Variants in OTULINL observed in about 807,000 individuals in gnomAD.
OTULINL encodes inactive ubiquitin thioesterase OTULINL.
In OTULINL, 42 loss-of-function variants were observed where a neutral mutation model predicts 43.9. The ratio of observed to expected loss-of-function variants is 0.96; its 90% CI spans 0.75 to 1.24. OTULINL has a LOEUF of 1.24. OTULINL is among the 50% of genes most tolerant of loss of function. The probability of loss-of-function intolerance (pLI) is 0.00; values close to 1 mark genes in which losing one functional copy is unlikely to be tolerated. For missense variants in OTULINL, 411 were observed against 426.4 expected, an observed-to-expected ratio of 0.96 and a Z score of 0.32; for synonymous variants, 172 against 153.6, an observed-to-expected ratio of 1.12 and a Z score of -0.88.
intron 1 of OTULINL, among the ~76,000 whole-genome samples, chr5:14,584,760 T>G (rs534883289): frequency 2.6e-4 from 40 of 152,346 alleles, no homozygotes; most frequent in African/African-American, 8.7e-4. Context: ...TATGTAGATG[T>G]GTCTGCTAAA....
At chr5:14,590,029 G>A (rs942495121) in intron 1 of OTULINL, among the ~76,000 whole-genome samples, 6 of 152,152 alleles carry the variant, frequency 3.9e-5, no homozygotes, top group Non-Finnish European at 7.4e-5. Flanking sequence ...ACTAGTAAAA[G>A]TAACCGCTTA....
rs768580216 is a variant in OTULINL, at chr5:14,607,354, C to T, written c.523C>T (p.Gln175Ter). ...GCTTCCTGAAAAACTGCTGTTTTCA[C>T]AAGGTTGTAATTGGATTCAGCAGTA... ...VKLPEKLLFS[Q>*]GCNWIQQYSF... The change falls in exon 6 of 8, where the codon CAA becomes TAA. Residue 175 changes from glutamine to a stop codon, truncating the protein, a stop_gained. Coordinates refer to ENST00000274217, the MANE Select transcript of OTULINL (RefSeq NM_019018.3). LOFTEE classifies it high-confidence loss of function. 3 of 1,613,022 alleles carry T rather than the reference C, an allele frequency of 1.9e-6. No individual in the cohort carries two copies. The highest frequency in any genetic ancestry group is 2.5e-6 in the Non-Finnish European group (3 of 1,179,828).
intron 5 of OTULINL, among the ~76,000 whole-genome samples, chr5:14,604,555 A>G (rs954912804): frequency 2.0e-5 from 3 of 152,182 alleles, no homozygotes; most frequent in African/African-American, 7.2e-5. Context: ...TTCTTAAGGT[A>G]TGTCTTCCCC....
chr5:14,585,289 G>A (rs1274258181), intron 1 of OTULINL, among the ~76,000 whole-genome samples: 1 of 152,060 alleles, frequency 6.6e-6, no homozygotes, highest in East Asian at 1.9e-4. Context: ...AAAAAGCATT[G>A]CAGTTAAAGG....
rs1360528168 is a variant in OTULINL at position 14,614,145 on chromosome 5, C to CA, written c.*3833dup. Among the ~76,000 whole-genome samples the CA allele has an allele frequency of 6.6e-6, 1 of 152,080 alleles. No homozygotes were observed. The highest frequency in any genetic ancestry group is 1.5e-5 in the Non-Finnish European group (1 of 68,012). On this transcript the variant is annotated 3_prime_UTR_variant, in exon 8 of 8. Transcript: ENST00000274217. ...TTCTAAAGCTGTATGATTCTCTTTG[C>CA]AAGAATGTTTTTCACACTGCTTAAT...
rs25959 is a variant in OTULINL, at chr5:14,610,997, T to C, written c.*683T>C. 1 of 152,230 alleles carries C rather than the reference T, an allele frequency of 6.6e-6. No homozygotes were observed. Among genetic ancestry groups the C allele is most frequent in the East Asian group, 1.9e-4 (1 of 5,170 alleles). The allele number at this position is 152,230 out of a possible 1,614,324, so 9.4% of individuals were successfully genotyped here. A position where few individuals can be genotyped will look rare whatever the true frequency, so the allele number is the denominator to read the frequency against. ...TTTGTTACTATTTTATCTGGCCAGC[T>C]TAATAGTTTTATTTAGATTTTTTAA... On this transcript the variant is annotated 3_prime_UTR_variant, in exon 8 of 8. Coordinates refer to ENST00000274217, the MANE Select transcript of OTULINL (RefSeq NM_019018.3).
intron 1 of OTULINL, among the ~76,000 whole-genome samples, chr5:14,598,806 A>C (rs1336258984): frequency 6.6e-6 from 1 of 152,234 alleles, no homozygotes; most frequent in African/African-American, 2.4e-5. Flanking sequence ...GTGTGCTGAT[A>C]TGAAAAGATG....
intron 6 of OTULINL, 40 bp from the exon 7 acceptor site, chr5:14,608,708 C>T (rs562814977): frequency 1.3e-6 from 2 of 1,523,472 alleles, no homozygotes; most frequent in South Asian, 2.5e-5. Flanking sequence ...TATGTCTTCA[C>T]CTTTATCCTT....
At position 14,601,969 on chromosome 5, in the gene OTULINL, A is replaced by G. The variant is rs188081455; in HGVS notation, c.349-214A>G. 4.5e-3 allele frequency among the ~76,000 whole-genome samples: 680 copies of G among 152,314 alleles called. 2 individuals carry two copies. The highest frequency in any genetic ancestry group is 0.015 in the African/African-American group (640 of 41,576). On this transcript the variant is annotated intron_variant, in intron 4 of 7. Transcript: ENST00000274217. ...TCGCATCCCTTATCTGCCCAAGGTG[A>G]CCTTCCCTGGCTCTGCTTCCAGGAT... is the stretch of plus-strand genomic sequence containing the variant.
In OTULINL at chr5:14,614,643, T is replaced by C. The variant is rs1334360794; in HGVS notation, c.*4329T>C. On this transcript the variant is annotated 3_prime_UTR_variant, in exon 8 of 8. Coordinates refer to ENST00000274217, the MANE Select transcript of OTULINL (RefSeq NM_019018.3). ...TTCAGCCACGTATGGTCTGGAGTGC[T>C]CTGTAGAACAGCCCGAAGTGTACAC... is the stretch of plus-strand genomic sequence containing the variant. The C allele has an allele frequency of 7.5e-6, 3 of 398,504 alleles. No homozygotes were observed. The highest frequency in any genetic ancestry group is 6.2e-5 in the African/African-American group (3 of 48,634). The allele number at this position is 398,504 out of a possible 1,614,324, so 24.7% of individuals were successfully genotyped here.
rs188548449 is a variant in OTULINL at position 14,610,351 on chromosome 5, C to T, written c.*37C>T. ...GCCGAACAGCAGTGCTCACCAGTGA[C>T]GGTGGTCACAGTTGCAATAAAGTCT... On this transcript the variant is annotated 3_prime_UTR_variant, in exon 8 of 8. Coordinates refer to ENST00000274217, the MANE Select transcript of OTULINL (RefSeq NM_019018.3). The T allele has an allele frequency of 1.2e-3, 1,944 of 1,595,132 alleles. 17 individuals carry two copies. The African/African-American group carries it at 0.023, about 19-fold the overall frequency.
At chr5:14,591,044 G>C (rs902113137) in intron 1 of OTULINL, among the ~76,000 whole-genome samples, 5 of 152,198 alleles carry the variant, frequency 3.3e-5, no homozygotes, top group African/African-American at 1.2e-4. Context: ...AAAAGGATTA[G>C]TAACTATTAG....
chr5:14,582,775 A>C (rs1386628057), intron 1 of OTULINL, among the ~76,000 whole-genome samples: 2 of 135,646 alleles, frequency 1.5e-5, no homozygotes. Context: ...AGATTGCACC[A>C]CTGCACTCTC....
chr5:14,614,774 A>G lies in OTULINL; in HGVS notation c.*4460A>G, dbSNP rs1334409102. 2.5e-6 allele frequency: 1 copy of G among 398,512 alleles called. No homozygotes were observed. Among genetic ancestry groups the G allele is most frequent in the Non-Finnish European group, 4.4e-6 (1 of 226,088 alleles). The allele number at this position is 398,512 out of a possible 1,614,324, so 24.7% of individuals were successfully genotyped here. A position where few individuals can be genotyped will look rare whatever the true frequency, so the allele number is the denominator to read the frequency against. On this transcript the variant is annotated 3_prime_UTR_variant, in exon 8 of 8. Coordinates refer to ENST00000274217, the MANE Select transcript of OTULINL (RefSeq NM_019018.3). ...GCATGGAGGAGGGCTGTGTGAGCAG[A>G]CTGCTATAGAATGCTAAAGTTATAA... is the stretch of plus-strand genomic sequence containing the variant.
intron 1 of OTULINL, among the ~76,000 whole-genome samples, chr5:14,586,847 C>T (rs1759108204): frequency 6.6e-6 from 1 of 151,692 alleles, no homozygotes; most frequent in African/African-American, 2.4e-5. Context: ...AAGTGAAAAT[C>T]TCATTAAACA....
intron 7 of OTULINL, 36 bp from the exon 8 acceptor site, chr5:14,610,105 T>C: frequency 1.3e-6 from 2 of 1,583,384 alleles, no homozygotes; most frequent in Non-Finnish European, 1.7e-6. Context: ...AATTTGCAAG[T>C]GTGTATCTGT....
chr5:14,595,596 GA>G (rs75854029), intron 1 of OTULINL, among the ~76,000 whole-genome samples: 254 of 113,538 alleles, frequency 2.2e-3, no homozygotes, highest in East Asian at 8.7e-3. Flanking sequence ...GTAGAGAATG[GA>G]AAAAAAAAAA....
At position 14,581,856 on chromosome 5, in the gene OTULINL, A is replaced by G. The variant is rs1012568358; in HGVS notation, c.-39A>G. On this transcript the variant is annotated 5_prime_UTR_variant, in exon 1 of 8. Coordinates refer to ENST00000274217, the MANE Select transcript of OTULINL (RefSeq NM_019018.3). Reference sequence around the variant, plus strand: ...CGCGTCTGACAGACCACTGCAGACCACGGGCCGAGGCCCAGCGCCCGTCCG... The same window carrying G: ...CGCGTCTGACAGACCACTGCAGACCGCGGGCCGAGGCCCAGCGCCCGTCCG... The G allele has an allele frequency of 4.3e-6, 6 of 1,383,320 alleles. No homozygotes were observed. The highest frequency in any genetic ancestry group is 1.5e-5 in the African/African-American group (1 of 65,684). The allele number at this position is 1,383,320 out of a possible 1,614,324, so 85.7% of individuals were successfully genotyped here.
At chr5:14,584,837 A>G (rs971575240) in intron 1 of OTULINL, among the ~76,000 whole-genome samples, 1 of 152,322 alleles carries the variant, frequency 6.6e-6, no homozygotes, top group East Asian at 1.9e-4. Context: ...GCACAACTGT[A>G]TGTATGAAGC....
Sources: allele counts gnomAD v4.1 joint callset (sites outside exome capture counted in the v4.1 genomes callset), GRCh38; gene constraint gnomAD v4.1.1; transcripts MANE v1.5; gene names NCBI Gene and HGNC (gene_info 2026-07-23, HGNC 2026-07-21).